The following CLIP4 variants were observed in gnomAD, a reference collection of about 807,000 sequenced individuals.
CLIP4 encodes the protein CAP-Gly domain containing linker protein family member 4.
Under a neutral mutation model 73.1 loss-of-function variants are expected in CLIP4, and 47 were observed. That is an observed-to-expected ratio of 0.64 (90% CI 0.51 to 0.82). The LOEUF (loss-of-function observed/expected upper bound fraction) is 0.82. CLIP4 is among the 40% of genes least tolerant of loss of function. The pLI, the probability that CLIP4 is intolerant of heterozygous loss-of-function variation, is 0.00. For missense variants in CLIP4, 874 were observed against 852.9 expected (o/e 1.02, Z -0.31); for synonymous variants, 306 against 295.4 (o/e 1.04, Z -0.37).
At chr2:29,130,760 C>T (rs1664915045) in intron 2 of CLIP4, 2 of 1,274,540 alleles carry the variant, frequency 1.6e-6, no homozygotes, top group Admixed American at 4.9e-5. Flanking sequence ...TATGCTGACT[C>T]TAGAAGTAAG....
intron 1 of CLIP4, among the ~76,000 whole-genome samples, chr2:29,106,146 A>G (rs948865891): frequency 3.3e-5 from 5 of 151,498 alleles, no homozygotes; most frequent in African/African-American, 1.2e-4. Flanking sequence ...GTGATCTTGG[A>G]TAAGTTACTT....
rs765375647 is a variant in CLIP4, at chr2:29,143,747, C to A, written c.687C>A (p.Asp229Glu). ...AGATCCCTGCTGATGTTGTTCCAGACCCAGTAGATATGCCGTTAGAGATGG... is the reference window on the plus strand; with the variant it reads ...AGATCCCTGCTGATGTTGTTCCAGAACCAGTAGATATGCCGTTAGAGATGG... ...KGQIPADVVP[D>E]PVDMPLEMAD... Residue 229 changes from aspartate (D) to glutamate (E), a missense_variant, in exon 7 of 16, where the codon GAC becomes GAA. Physicochemically the swap from Asp to Glu is conservative, Grantham distance 45. Coordinates refer to ENST00000320081, the MANE Select transcript of CLIP4 (RefSeq NM_024692.6). 1.2e-6 allele frequency: 2 copies of A among 1,613,644 alleles called. No individual in the cohort carries two copies. The highest frequency in any genetic ancestry group is 1.7e-6 in the Non-Finnish European group (2 of 1,179,680).
Position 29,181,634 on chromosome 2 carries a change from G to T in CLIP4, c.1859G>T (p.Ser620Ile). 1 of 1,614,166 alleles carries T rather than the reference G, an allele frequency of 6.2e-7. No individual in the cohort carries two copies. The highest frequency in any genetic ancestry group is 8.5e-7 in the Non-Finnish European group (1 of 1,179,984). Residue 620 changes from serine to isoleucine, a missense_variant, in exon 16 of 16, where the codon AGC becomes ATC. By Grantham distance (142) the Ser-to-Ile change is moderately radical. Transcript: ENST00000320081. ...STPTAGGIEG[S>I]VKLHEGSQVL... ...CCCACCGCAGGTGGCATTGAAGGGA[G>T]CGTGAAGCTGCACGAGGGGTCTCAG... is the stretch of plus-strand genomic sequence containing the variant.
At position 29,098,697 on chromosome 2, in the gene CLIP4, A is replaced by C. The variant is rs140868005; in HGVS notation, c.-16+750A>C. On this transcript the variant is annotated intron_variant, in intron 1 of 14. Transcript: ENST00000401605. Reference sequence around the variant, plus strand: ...TTCACGTATCGGTTCTCGTGTGGACATAAGTTTTCATATCACTTGGGTAAA... The same window carrying C: ...TTCACGTATCGGTTCTCGTGTGGACCTAAGTTTTCATATCACTTGGGTAAA... 3.6e-3 allele frequency among the ~76,000 whole-genome samples: 546 copies of C among 152,354 alleles called. 2 individuals are homozygous for C. Among genetic ancestry groups the C allele is most frequent in the African/African-American group, 0.012 (503 of 41,590 alleles).
At chr2:29,170,379 A>G (rs548030794) in intron 14 of CLIP4, among the ~76,000 whole-genome samples, 2 of 152,320 alleles carry the variant, frequency 1.3e-5, no homozygotes, top group African/African-American at 4.8e-5. Context: ...CCAACAGCAT[A>G]CAACAGTGTC....
intron 8 of CLIP4, among the ~76,000 whole-genome samples, chr2:29,148,132 A>T (rs1483454259): frequency 6.6e-6 from 1 of 152,150 alleles, no homozygotes; most frequent in Non-Finnish European, 1.5e-5. Flanking sequence ...GTTGTGGGGC[A>T]GGGGTCATGT....
At chr2:29,120,072 T>G (rs1664152422) in intron 1 of CLIP4, among the ~76,000 whole-genome samples, 1 of 152,190 alleles carries the variant, frequency 6.6e-6, no homozygotes, top group Non-Finnish European at 1.5e-5. Flanking sequence ...TCACCGCTGC[T>G]CTATAACACT....
intron 1 of CLIP4, among the ~76,000 whole-genome samples, chr2:29,104,176 G>A (rs1401757669): frequency 1.3e-5 from 2 of 152,188 alleles, no homozygotes; most frequent in South Asian, 2.1e-4. Flanking sequence ...AAAGGGACAC[G>A]TCTTATGGTA....
intron 12 of CLIP4, 65 bp downstream of exon 12, chr2:29,160,532 T>C: frequency 1.3e-6 from 2 of 1,549,306 alleles, no homozygotes; most frequent in Non-Finnish European, 1.8e-6. Flanking sequence ...AAATTTTACA[T>C]GTAAATAGAA....
chr2:29,132,134 T>G lies in CLIP4; in HGVS notation c.274-18T>G. 1.2e-6 allele frequency: 2 copies of G among 1,602,212 alleles called. No homozygotes were observed. The highest frequency in any genetic ancestry group is 1.7e-6 in the Non-Finnish European group (2 of 1,169,632). ...CTCAGTAGTTAGGTTGTAACCATAT[T>G]TTCCTTGACTGCTTCAGATTCTTAA... is the stretch of plus-strand genomic sequence containing the variant. On this transcript the variant is annotated intron_variant, in intron 3 of 15. Coordinates refer to ENST00000320081, the MANE Select transcript of CLIP4 (RefSeq NM_024692.6).
intron 1 of CLIP4, among the ~76,000 whole-genome samples, chr2:29,117,446 C>T (rs573358486): frequency 6.6e-6 from 1 of 151,818 alleles, no homozygotes; most frequent in African/African-American, 2.4e-5. Context: ...CAGGTTCAAG[C>T]GATTGTTCTG....
rs762080372 is a variant in CLIP4, at chr2:29,181,607, C to G, written c.1832C>G (p.Thr611Ser). ...KAALRRSWSS[T>S]PTAGGIEGSV... ...GCTTTGCGTCGCAGTTGGAGCAGCA[C>G]CCCCACCGCAGGTGGCATTGAAGGG... The change falls in exon 16 of 16, where the codon ACC becomes AGC. Residue 611 changes from threonine to serine, a missense_variant. Coordinates refer to ENST00000320081, the MANE Select transcript of CLIP4 (RefSeq NM_024692.6). The G allele has an allele frequency of 1.9e-6, 3 of 1,612,670 alleles. No individual in the cohort carries two copies. The South Asian group carries it at 3.3e-5, about 18-fold the overall frequency.
At chr2:29,162,117 A>G (rs1558569573) in intron 12 of CLIP4, among the ~76,000 whole-genome samples, 1 of 152,158 alleles carries the variant, frequency 6.6e-6, no homozygotes, top group South Asian at 2.1e-4. Flanking sequence ...TTGTCTTTTG[A>G]GTTCCCTTTC....
chr2:29,102,328 T>G (rs919429660), intron 1 of CLIP4, among the ~76,000 whole-genome samples: 1 of 152,198 alleles, frequency 6.6e-6, no homozygotes, highest in Non-Finnish European at 1.5e-5. Context: ...GAGAAAGTTT[T>G]GTTAGTGAAA....
intron 13 of CLIP4, among the ~76,000 whole-genome samples, chr2:29,165,798 G>A (rs1337944573): frequency 6.6e-6 from 1 of 152,140 alleles, no homozygotes; most frequent in Non-Finnish European, 1.5e-5. Flanking sequence ...TCCTAGTTCA[G>A]TGGTTTTATG....
chr2:29,112,046 T>C (rs1046215730), upstream of CLIP4, among the ~76,000 whole-genome samples: 2 of 152,220 alleles, frequency 1.3e-5, no homozygotes, highest in African/African-American at 4.8e-5. Context: ...CATTGATCTG[T>C]GGTACCACCT....
chr2:29,173,676 A>G (rs1324666932), intron 14 of CLIP4, among the ~76,000 whole-genome samples: 1 of 152,204 alleles, frequency 6.6e-6, no homozygotes. Flanking sequence ...GTGTCAATCA[A>G]AAGATTCATT....
At chr2:29,165,898 G>A (rs13027767) in intron 13 of CLIP4, among the ~76,000 whole-genome samples, 20,812 of 150,378 alleles carry the variant, frequency 0.14, 1,838 homozygotes, top group Middle Eastern at 0.23. Flanking sequence ...TGGAGCACAC[G>A]TTTTTTACTT....
intron 13 of CLIP4, among the ~76,000 whole-genome samples, chr2:29,166,936 G>T (rs551249396): frequency 2.6e-5 from 4 of 152,212 alleles, no homozygotes; most frequent in African/African-American, 9.6e-5. Flanking sequence ...ACTTTTTAAA[G>T]ATAAAGAATG....
Sources: gnomAD v4.1 joint callset for allele counts (sites outside exome capture counted in the v4.1 genomes callset) on GRCh38, gnomAD v4.1.1 for gene constraint, MANE v1.5 for transcripts, NCBI Gene and HGNC (gene_info 2026-07-23, HGNC 2026-07-21) for gene names.